Variants in ABTB2 observed in about 807,000 individuals in gnomAD.
ABTB2 encodes the protein ankyrin repeat and BTB/POZ domain-containing protein 2.
Under a neutral mutation model 104.1 loss-of-function variants are expected in ABTB2, and 56 were observed. That is an observed-to-expected ratio of 0.54 (90% confidence interval 0.43 to 0.67). ABTB2 has a LOEUF of 0.67. Ranked by LOEUF, ABTB2 falls within the 30% of genes least tolerant of loss-of-function variation. The probability of loss-of-function intolerance (pLI) is 0.00; values close to 1 mark genes in which losing one functional copy is unlikely to be tolerated. For missense variants in ABTB2, 1,279 were observed against 1,407.7 expected (o/e 0.91, Z 1.46); for synonymous variants, 606 against 608.2 (o/e 1.00, Z 0.05).
chr11:34,170,270 G>A (rs1173665099), intron 5 of ABTB2, among the ~76,000 whole-genome samples: 1 of 152,236 alleles, frequency 6.6e-6, no homozygotes, highest in African/African-American at 2.4e-5. Context: ...TCAAGAGGAA[G>A]TGAGTTAATC....
At chr11:34,155,475 C>A (rs1852610901) in intron 14 of ABTB2, among the ~76,000 whole-genome samples, 1 of 152,254 alleles carries the variant, frequency 6.6e-6, no homozygotes, top group Non-Finnish European at 1.5e-5. Context: ...ACAAACTCTG[C>A]CATCACGCTG....
chr11:34,171,806 TTCTC>T (rs1407156416), intron 4 of ABTB2, among the ~76,000 whole-genome samples: 1 of 152,168 alleles, frequency 6.6e-6, no homozygotes, highest in South Asian at 2.1e-4. Context: ...TAGCTCTACA[TTCTC>T]TCTCTTTAAG....
chr11:34,165,194 T>A, intron 8 of ABTB2, 66 bp downstream of exon 8: 1 of 1,429,148 alleles, frequency 7.0e-7, no homozygotes, highest in Non-Finnish European at 9.5e-7. Context: ...TCCAGCTACA[T>A]GCCTGGCCAG....
At chr11:34,258,355 G>C (rs1340820499) in intron 1 of ABTB2, among the ~76,000 whole-genome samples, 3 of 152,040 alleles carry the variant, frequency 2.0e-5, no homozygotes, top group Non-Finnish European at 4.4e-5. Flanking sequence ...AGAGAGGTAA[G>C]AGGAGGTACC....
At chr11:34,221,680 C>T (rs2611082) in intron 1 of ABTB2, among the ~76,000 whole-genome samples, 109,310 of 152,118 alleles carry the variant, frequency 0.72, 40,837 homozygotes, top group East Asian at 0.84. Context: ...CGGGGCAATC[C>T]TCTGGCCAGA....
intron 1 of ABTB2, among the ~76,000 whole-genome samples, chr11:34,301,035 A>G (rs1327016288): frequency 6.6e-6 from 1 of 152,218 alleles, no homozygotes; most frequent in Non-Finnish European, 1.5e-5. Flanking sequence ...TGGGGGAAGC[A>G]GAGGATAAGA....
At chr11:34,212,185 T>C (rs1853489027) in intron 1 of ABTB2, among the ~76,000 whole-genome samples, 1 of 151,746 alleles carries the variant, frequency 6.6e-6, no homozygotes, top group African/African-American at 2.4e-5. Context: ...GCCTCCGGAG[T>C]AGCTGGGAGT....
At chr11:34,333,620 G>A (rs1417490625) in intron 1 of ABTB2, among the ~76,000 whole-genome samples, 4 of 152,110 alleles carry the variant, frequency 2.6e-5, no homozygotes, top group Admixed American at 6.5e-5. Flanking sequence ...GCTGGGCATC[G>A]TGGTGCTCAC....
At chr11:34,301,311 TA>T (rs574169001) in intron 1 of ABTB2, among the ~76,000 whole-genome samples, 8 of 151,748 alleles carry the variant, frequency 5.3e-5, no homozygotes, top group Non-Finnish European at 7.4e-5. Context: ...TAAATGAATT[TA>T]AAAAAAAATT....
In ABTB2 at chr11:34,300,464, C is replaced by T. The variant is rs190359425; in HGVS notation, c.883+56237G>A. Among the ~76,000 whole-genome samples, 19 of 152,266 alleles carry T rather than the reference C, an allele frequency of 1.2e-4. 1 individual carries two copies. The highest frequency in any genetic ancestry group is 7.2e-4 in the Admixed American group (11 of 15,288). On this transcript the variant is annotated intron_variant, in intron 1 of 16. Coordinates refer to ENST00000435224, the MANE Select transcript of ABTB2 (RefSeq NM_145804.3). ...TCCAGTGCTATAAATCACTGGTTAT[C>T]GGATGGAGTGGAACTCATTAATATA...
intron 1 of ABTB2, among the ~76,000 whole-genome samples, chr11:34,302,498 T>G (rs1014062551): frequency 6.6e-6 from 1 of 152,218 alleles, no homozygotes; most frequent in African/African-American, 2.4e-5. Context: ...TGAGAAGGCC[T>G]GCTCATTCCC....
intron 1 of ABTB2, among the ~76,000 whole-genome samples, chr11:34,230,009 T>C (rs567286936): frequency 6.6e-6 from 1 of 152,320 alleles, no homozygotes; most frequent in Admixed American, 6.5e-5. Context: ...AAGCTCACTG[T>C]TGTTCAGTTC....
At chr11:34,312,660 G>C (rs1387642678) in intron 1 of ABTB2, among the ~76,000 whole-genome samples, 2 of 152,158 alleles carry the variant, frequency 1.3e-5, no homozygotes, top group Non-Finnish European at 2.9e-5. Context: ...TGGTCTAAGA[G>C]AAAATAAGCC....
At position 34,151,166 on chromosome 11, in the gene ABTB2, T is replaced by C. The variant is rs1184399985; in HGVS notation, c.*1221A>G. 5 of 152,636 alleles carry C rather than the reference T, an allele frequency of 3.3e-5. No individual in the cohort carries two copies. The highest frequency in any genetic ancestry group is 7.3e-5 in the Non-Finnish European group (5 of 68,050). 9.5% of individuals were successfully genotyped at this position (152,636 alleles called of 1,614,324 possible). ...CCAGAATTGCAAGCCCCTGGGGGCTTTTCAGGGTGACCTGAGTGCCACCTT... is the reference window on the plus strand; with the variant it reads ...CCAGAATTGCAAGCCCCTGGGGGCTCTTCAGGGTGACCTGAGTGCCACCTT... On this transcript the variant is annotated 3_prime_UTR_variant, in exon 17 of 17. Coordinates refer to ENST00000435224, the MANE Select transcript of ABTB2 (RefSeq NM_145804.3).
chr11:34,151,433 AG>A lies in ABTB2; in HGVS notation c.*953del, dbSNP rs1052632632. ...AATGCCCTGTCCTTTAATCTCCAAG[AG>A]TCACAGTCCCCAGTGGGACCTGTTT... On this transcript the variant is annotated 3_prime_UTR_variant, in exon 17 of 17. Coordinates refer to ENST00000435224, the MANE Select transcript of ABTB2 (RefSeq NM_145804.3). The A allele has an allele frequency of 6.6e-6, 1 of 152,210 alleles. No individual in the cohort carries two copies. Among genetic ancestry groups the A allele is most frequent in the Non-Finnish European group, 1.5e-5 (1 of 68,040 alleles). 9.4% of individuals were successfully genotyped at this position (152,210 alleles called of 1,614,324 possible). A position where few individuals can be genotyped will look rare whatever the true frequency, so the allele number is the denominator to read the frequency against.
intron 10 of ABTB2, among the ~76,000 whole-genome samples, 162 bp from the exon 11 acceptor site, chr11:34,161,243 C>T (rs1852717655): frequency 6.6e-6 from 1 of 152,056 alleles, no homozygotes; most frequent in Admixed American, 6.5e-5. Flanking sequence ...ATGGAGTGGC[C>T]CTCTCAGGAT....
intron 1 of ABTB2, among the ~76,000 whole-genome samples, chr11:34,258,605 C>T (rs12289052): frequency 0.062 from 5,914 of 95,188 alleles, 402 homozygotes; most frequent in African/African-American, 0.24. Flanking sequence ...AGTGCCTGCT[C>T]TTTTTTTTTT....
intron 3 of ABTB2, among the ~76,000 whole-genome samples, chr11:34,175,255 T>C (rs1411548754): frequency 6.6e-6 from 1 of 152,204 alleles, no homozygotes; most frequent in African/African-American, 2.4e-5. Context: ...ATATAAATGC[T>C]CCTTGACTTA....
chr11:34,291,883 C>T (rs1854568279), intron 1 of ABTB2, among the ~76,000 whole-genome samples: 1 of 151,946 alleles, frequency 6.6e-6, no homozygotes, highest in African/African-American at 2.4e-5. Context: ...AAAGAAACAT[C>T]CTTGCTTGTA....
Sources: allele counts gnomAD v4.1 joint callset (sites outside exome capture counted in the v4.1 genomes callset), GRCh38; gene constraint gnomAD v4.1.1; transcripts MANE v1.5; gene names NCBI Gene and HGNC (gene_info 2026-07-23, HGNC 2026-07-21).